LRRIQ1: variants seen among roughly 807,000 people sequenced by gnomAD.
The protein encoded by LRRIQ1 is leucine rich repeats and IQ motif containing 1, also known as leucine-rich repeat- and IQ domain-containing protein 1.
LRRIQ1 carries 210 observed loss-of-function variants against 211.9 expected under a neutral mutation model. The observed-to-expected ratio is 0.99, with a 90% confidence interval of 0.89 to 1.11. The LOEUF (loss-of-function observed/expected upper bound fraction) is 1.11, where lower values mean the gene tolerates loss of function less well. LRRIQ1 is among the 50% of genes most tolerant of loss of function. The pLI is 0.00. For missense variants in LRRIQ1, 2,136 were observed against 1,939.5 expected, an observed-to-expected ratio of 1.10 and a Z score of -1.90; for synonymous variants, 699 against 650.1, an observed-to-expected ratio of 1.08 and a Z score of -1.14.
chr12:85,058,828 G>A (rs1008573045), intron 8 of LRRIQ1, among the ~76,000 whole-genome samples: 2 of 151,970 alleles, frequency 1.3e-5, no homozygotes, highest in South Asian at 4.1e-4. Context: ...TCTAAATGAT[G>A]ATGTTGGTGC....
In LRRIQ1 at chr12:85,065,392, A is replaced by C. The variant is rs201877674; in HGVS notation, c.2522A>C (p.Lys841Thr). ...TSLHSLSNCK[K>T]LKYIDAQENH... ...TTGCACAGCCTGAGTAATTGTAAAA[A>C]ACTTAAGTACATTGATGCACAGGTA... The change falls in exon 9 of 27, where the codon AAA becomes ACA. Residue 841 changes from lysine to threonine, a missense_variant. By Grantham distance (78) the Lys-to-Thr change is moderately conservative. Coordinates refer to ENST00000393217, the MANE Select transcript of LRRIQ1 (RefSeq NM_001079910.2). 67 of 1,609,410 alleles carry C rather than the reference A, an allele frequency of 4.2e-5. 1 individual carries two copies. The East Asian group carries it at 1.5e-3, about 36-fold the overall frequency.
chr12:85,086,758 A>G (rs998803699), intron 11 of LRRIQ1, among the ~76,000 whole-genome samples: 12 of 152,062 alleles, frequency 7.9e-5, no homozygotes, highest in Non-Finnish European at 1.6e-4. Context: ...CTCAACAACT[A>G]GAAAGTGACA....
intron 24 of LRRIQ1, among the ~76,000 whole-genome samples, chr12:85,186,128 ATTG>A (rs1260410092): frequency 6.6e-6 from 1 of 152,110 alleles, no homozygotes; most frequent in Admixed American, 6.6e-5. Context: ...AGTTTGTTTT[ATTG>A]TTGTTAAGGT....
At chr12:85,192,851 A>C (rs1345663111) in intron 24 of LRRIQ1, among the ~76,000 whole-genome samples, 3 of 102,090 alleles carry the variant, frequency 2.9e-5, no homozygotes, top group Admixed American at 1.5e-4. Flanking sequence ...TTATATATAA[A>C]TATATATAGT....
Position 85,121,690 on chromosome 12 carries a change from T to G in LRRIQ1, c.3378-7T>G, listed in dbSNP as rs1484414036. The G allele has an allele frequency of 1.3e-6, 2 of 1,554,824 alleles. No homozygotes were observed. The highest frequency in any genetic ancestry group is 1.7e-6 in the Non-Finnish European group (2 of 1,153,032). The stretch of plus-strand genomic sequence containing the variant: ...AGGATTATTAACTTTTTTGTTGTTT[T>G]CAATAGGGATTCTCTACTTAAAGTG... On this transcript the variant is annotated splice_region_variant and splice_polypyrimidine_tract_variant and intron_variant, in intron 15 of 26. Transcript: ENST00000393217.
chr12:85,214,753 C>A (rs1362510991), intron 24 of LRRIQ1, among the ~76,000 whole-genome samples: 1 of 151,966 alleles, frequency 6.6e-6, no homozygotes, highest in Non-Finnish European at 1.5e-5. Context: ...ATAAAACTTA[C>A]AGAAGATAAT....
At chr12:85,040,921 AC>A (rs902433586) in intron 3 of LRRIQ1, among the ~76,000 whole-genome samples, 1 of 151,634 alleles carries the variant, frequency 6.6e-6, no homozygotes, top group African/African-American at 2.4e-5. Context: ...ATCAGTATAT[AC>A]ATCTTTTTTT....
At chr12:85,188,297 C>T (rs1026633130) in intron 24 of LRRIQ1, among the ~76,000 whole-genome samples, 1 of 151,856 alleles carries the variant, frequency 6.6e-6, no homozygotes, top group Non-Finnish European at 1.5e-5. Flanking sequence ...TTATAGAATA[C>T]AAGGTGCTGT....
intron 13 of LRRIQ1, among the ~76,000 whole-genome samples, chr12:85,100,030 A>G (rs1367563395): frequency 6.6e-6 from 1 of 151,802 alleles, no homozygotes; most frequent in African/African-American, 2.4e-5. Context: ...TGGGCAATTC[A>G]CAAACTCCTT....
At chr12:85,135,646 A>T (rs1889073205) in intron 18 of LRRIQ1, among the ~76,000 whole-genome samples, 1 of 152,028 alleles carries the variant, frequency 6.6e-6, no homozygotes, top group Admixed American at 6.6e-5. Context: ...CATTCTCCAA[A>T]GGTCACCAAA....
intron 24 of LRRIQ1, among the ~76,000 whole-genome samples, chr12:85,181,738 C>T (rs1891989269): frequency 6.6e-6 from 1 of 151,978 alleles, no homozygotes; most frequent in African/African-American, 2.4e-5. Flanking sequence ...ATTTAAGCTA[C>T]TCTCCTATCT....
chr12:85,198,094 T>C (rs1395783081), intron 24 of LRRIQ1, among the ~76,000 whole-genome samples: 2 of 116,750 alleles, frequency 1.7e-5, no homozygotes, highest in South Asian at 2.2e-4. Flanking sequence ...TATTATATTA[T>C]ATATTATATT....
chr12:85,257,158 A>G (rs1269477337), intron 1 of LRRIQ1, among the ~76,000 whole-genome samples: 4 of 120,662 alleles, frequency 3.3e-5, no homozygotes, highest in East Asian at 4.8e-4. Flanking sequence ...ATGATTATAT[A>G]TAATTATATA....
In LRRIQ1 at chr12:85,197,932, ATT is replaced by A. The variant is rs1565898295; in HGVS notation, c.4823-31584_4823-31583del. Among the ~76,000 whole-genome samples the A allele has an allele frequency of 2.2e-3, 249 of 111,788 alleles. 1 individual carries two copies. Among genetic ancestry groups the A allele is most frequent in the Non-Finnish European group, 3.9e-3 (217 of 55,938 alleles). 73.3% of individuals were successfully genotyped at this position (111,788 alleles called of 152,430 possible). A position where few individuals can be genotyped will look rare whatever the true frequency, so the allele number is the denominator to read the frequency against. ...ATATAATAAAAATATATATAATATAATTATATATATTTATATATAATTATATA... is the reference window on the plus strand; with the variant it reads ...ATATAATAAAAATATATATAATATAAATATATATTTATATATAATTATATA... On this transcript the variant is annotated intron_variant, in intron 24 of 26. Transcript: ENST00000393217.
chr12:85,149,138 G>A (rs543859620), intron 19 of LRRIQ1, among the ~76,000 whole-genome samples: 1 of 152,132 alleles, frequency 6.6e-6, no homozygotes, highest in South Asian at 2.1e-4. Flanking sequence ...TTGCTGAGCA[G>A]AAGCTCTTTA....
intron 24 of LRRIQ1, among the ~76,000 whole-genome samples, chr12:85,217,784 A>C (rs915530216): frequency 4.5e-5 from 6 of 133,430 alleles, no homozygotes; most frequent in Admixed American, 2.9e-4. Context: ...CTCTCTCTAT[A>C]TATATATGTA....
At chr12:85,158,668 G>T (rs1890693543) in intron 23 of LRRIQ1, among the ~76,000 whole-genome samples, 1 of 151,844 alleles carries the variant, frequency 6.6e-6, no homozygotes, top group Non-Finnish European at 1.5e-5. Context: ...AAACATTTTT[G>T]AACATCTATT....
chr12:85,098,839 T>TA (rs1313743642), intron 12 of LRRIQ1, 28 bp from the exon 13 acceptor site: 1 of 1,484,646 alleles, frequency 6.7e-7, no homozygotes, highest in Non-Finnish European at 9.1e-7. Context: ...TTGCTTAATA[T>TA]AAACTAATGA....
chr12:85,064,301 T>C (rs562089247), intron 8 of LRRIQ1, among the ~76,000 whole-genome samples: 1 of 152,066 alleles, frequency 6.6e-6, no homozygotes, highest in South Asian at 2.1e-4. Flanking sequence ...TTCAGATGAC[T>C]GTTTGCCATT....
Sources: allele counts gnomAD v4.1 joint callset (sites outside exome capture counted in the v4.1 genomes callset), GRCh38; gene constraint gnomAD v4.1.1; transcripts MANE v1.5; gene names NCBI Gene and HGNC (gene_info 2026-07-23, HGNC 2026-07-21).